Variants in MAF observed in about 807,000 individuals in gnomAD.
The protein encoded by MAF is transcription factor Maf.
A neutral mutation model predicts 22.0 loss-of-function variants in MAF; 10 were observed. That is an observed-to-expected ratio of 0.45 (90% CI 0.28 to 0.77). MAF has a LOEUF of 0.77. Among genes scored for constraint, MAF ranks in the 30% least tolerant of loss-of-function variants. The probability of loss-of-function intolerance (pLI) is 0.12; values close to 1 mark genes in which losing one functional copy is unlikely to be tolerated. For missense variants in MAF, 544 were observed against 548.4 expected (o/e 0.99, Z 0.08); for synonymous variants, 337 against 255.8 (o/e 1.32, Z -3.03).
chr16:79,338,991 T>C, the MAF span, among the ~76,000 whole-genome samples: 1 of 152,206 alleles, frequency 6.6e-6, no homozygotes, highest in Non-Finnish European at 1.5e-5. Context: ...ACTATTCTTA[T>C]CCAAGGAAGG....
At chr16:79,414,131 A>C in the MAF span, among the ~76,000 whole-genome samples, 17 of 152,320 alleles carry the variant, frequency 1.1e-4, no homozygotes, top group African/African-American at 3.4e-4. Flanking sequence ...TCCACTTAAC[A>C]AACATTGGCT....
At chr16:79,244,737 C>T in the MAF span, among the ~76,000 whole-genome samples, 13 of 151,992 alleles carry the variant, frequency 8.6e-5, no homozygotes, top group African/African-American at 3.1e-4. Context: ...CATATGGAAC[C>T]AAAAAAGAGC....
the MAF span, among the ~76,000 whole-genome samples, chr16:79,370,765 A>G: frequency 2.0e-5 from 3 of 152,134 alleles, no homozygotes; most frequent in Admixed American, 1.3e-4. Flanking sequence ...TCTTGCCTAC[A>G]TAACTGAAAT....
At chr16:79,403,485 TC>T in the MAF span, among the ~76,000 whole-genome samples, 1 of 152,108 alleles carries the variant, frequency 6.6e-6, no homozygotes, top group Non-Finnish European at 1.5e-5. Flanking sequence ...GCCCCTCACT[TC>T]CCTGCCTCTG....
chr16:79,215,847 C>T, the MAF span, among the ~76,000 whole-genome samples: 2 of 152,186 alleles, frequency 1.3e-5, no homozygotes, highest in African/African-American at 4.8e-5. Context: ...CGTCCTACTC[C>T]ACTTTATCAG....
At chr16:79,442,912 CT>C in the MAF span, among the ~76,000 whole-genome samples, 2 of 152,166 alleles carry the variant, frequency 1.3e-5, no homozygotes, top group African/African-American at 4.8e-5. Context: ...GAGCTGCAGA[CT>C]TAATCCACAC....
chr16:79,502,599 G>A, the MAF span, among the ~76,000 whole-genome samples: 1 of 150,742 alleles, frequency 6.6e-6, no homozygotes, highest in Non-Finnish European at 1.5e-5. Context: ...CCAGGAGGTG[G>A]AGGTTGCAGT....
At chr16:79,553,472 G>C in the MAF span, among the ~76,000 whole-genome samples, 1 of 152,224 alleles carries the variant, frequency 6.6e-6, no homozygotes, top group South Asian at 2.1e-4. Flanking sequence ...TAGGCAGACA[G>C]CGTGGAGTCA....
At chr16:79,433,975 C>T in the MAF span, among the ~76,000 whole-genome samples, 8 of 152,152 alleles carry the variant, frequency 5.3e-5, no homozygotes, top group Non-Finnish European at 8.8e-5. Flanking sequence ...CTACCAGGCC[C>T]CACCACATGT....
At chr16:79,523,335 G>C in the MAF span, among the ~76,000 whole-genome samples, 278 of 152,328 alleles carry the variant, frequency 1.8e-3, no homozygotes, top group Non-Finnish European at 3.1e-3. Context: ...AAGGGAGGGA[G>C]ACTACAGAGG....
At chr16:79,396,568 T>A in the MAF span, among the ~76,000 whole-genome samples, 29 of 152,348 alleles carry the variant, frequency 1.9e-4, 1 homozygote, top group African/African-American at 6.7e-4. Context: ...TCTGATTCAA[T>A]TCCCAACTTG....
the MAF span, among the ~76,000 whole-genome samples, chr16:79,552,995 G>A: frequency 6.6e-6 from 1 of 152,312 alleles, no homozygotes; most frequent in South Asian, 2.1e-4. Context: ...AAAAAACATG[G>A]AACTTTGGGA....
At chr16:79,224,812 G>C in the MAF span, among the ~76,000 whole-genome samples, 76 of 152,302 alleles carry the variant, frequency 5.0e-4, no homozygotes, top group Non-Finnish European at 1.8e-4. Flanking sequence ...AAGGGATTAT[G>C]AAAGACCTCT....
At chr16:79,515,448 C>G in the MAF span, among the ~76,000 whole-genome samples, 16 of 152,296 alleles carry the variant, frequency 1.1e-4, no homozygotes, top group Middle Eastern at 3.4e-3. Flanking sequence ...CTAAGTTATT[C>G]AACACTTTAT....
At chr16:79,433,415 G>T in the MAF span, among the ~76,000 whole-genome samples, 1 of 151,020 alleles carries the variant, frequency 6.6e-6, no homozygotes, top group Non-Finnish European at 1.5e-5. Flanking sequence ...TTTTTGCCTT[G>T]GCCACCAGGG....
chr16:79,265,595 G>A, the MAF span, among the ~76,000 whole-genome samples: 3 of 152,108 alleles, frequency 2.0e-5, 1 homozygote, highest in East Asian at 5.8e-4. Context: ...TTAAAAATTA[G>A]GCACAGTAAG....
At chr16:79,467,136 C>T in the MAF span, among the ~76,000 whole-genome samples, 1 of 152,284 alleles carries the variant, frequency 6.6e-6, no homozygotes, top group Admixed American at 6.5e-5. Flanking sequence ...TGATCAAACC[C>T]CTTACAGTGG....
At chr16:79,420,428 G>T in the MAF span, among the ~76,000 whole-genome samples, 7 of 152,216 alleles carry the variant, frequency 4.6e-5, no homozygotes, top group African/African-American at 7.2e-5. Context: ...AAGATCAGAA[G>T]ATGTGGCTTC....
At chr16:79,431,870 A>T in the MAF span, among the ~76,000 whole-genome samples, 1 of 152,178 alleles carries the variant, frequency 6.6e-6, no homozygotes. Context: ...TTTCCTTAGC[A>T]AGTGTTACAG....
Sources: gnomAD v4.1 joint callset for allele counts (sites outside exome capture counted in the v4.1 genomes callset) on GRCh38, gnomAD v4.1.1 for gene constraint, MANE v1.5 for transcripts, NCBI Gene and HGNC (gene_info 2026-07-23, HGNC 2026-07-21) for gene names.